Variants in ADARB2 observed in about 807,000 individuals in gnomAD.
ADARB2 encodes adenosine deaminase RNA specific B2 (inactive), also known as inactive double-stranded RNA-specific editase B2.
Under a neutral mutation model 62.2 loss-of-function variants are expected in ADARB2, and 25 were observed. The ratio of observed to expected loss-of-function variants is 0.40; its 90% CI spans 0.29 to 0.56. ADARB2 has a LOEUF of 0.56. Among genes scored for constraint, ADARB2 ranks in the 20% least tolerant of loss-of-function variants. The pLI, the probability that ADARB2 is intolerant of heterozygous loss-of-function variation, is 0.43. For synonymous variants in ADARB2, 572 were observed against 500.8 expected, an observed-to-expected ratio of 1.14 and a Z score of -1.90; for missense variants, 1,071 against 1,077.4, an observed-to-expected ratio of 0.99 and a Z score of 0.08.
chr10:1,732,035 G>A (rs543076821), intron 1 of ADARB2, among the ~76,000 whole-genome samples: 2 of 152,210 alleles, frequency 1.3e-5, no homozygotes, highest in South Asian at 4.1e-4. Context: ...GAGAAACAGA[G>A]TATTACAATA....
intron 1 of ADARB2, among the ~76,000 whole-genome samples, chr10:1,565,453 T>TCAATCTGTCG: frequency 6.6e-6 from 1 of 152,076 alleles, no homozygotes; most frequent in Non-Finnish European, 1.5e-5. Flanking sequence ...TTTAGATCCA[T>TCAATCTGTCG]GGATATACTT....
At chr10:1,642,861 C>T (rs1043181194) in intron 1 of ADARB2, among the ~76,000 whole-genome samples, 1 of 152,202 alleles carries the variant, frequency 6.6e-6, no homozygotes, top group Admixed American at 6.5e-5. Context: ...GAACTGCAGG[C>T]AGGTATGTTC....
At chr10:1,440,024 A>G (rs568121225) in intron 1 of ADARB2, among the ~76,000 whole-genome samples, 11 of 147,012 alleles carry the variant, frequency 7.5e-5, no homozygotes, top group African/African-American at 2.8e-4. Context: ...CAGGTCCTTC[A>G]TGATGGGGCT....
intron 6 of ADARB2, among the ~76,000 whole-genome samples, chr10:1,222,729 T>C (rs1242118407): frequency 6.7e-6 from 1 of 149,596 alleles, no homozygotes; most frequent in Admixed American, 6.6e-5. Context: ...TGGTTGTAGA[T>C]ATGCGGCATT....
At chr10:1,254,198 TGGGCTCTGTGGTTAGGATGTGGA>T (rs1831061108) in intron 4 of ADARB2, among the ~76,000 whole-genome samples, 1 of 147,954 alleles carries the variant, frequency 6.8e-6, no homozygotes, top group South Asian at 2.1e-4. Context: ...TAGGATGTGG[TGGGCTCTGTGGTTAGGATGTGGA>T]GGGCTCTGTG....
At chr10:1,288,149 C>T (rs1264428884) in intron 3 of ADARB2, among the ~76,000 whole-genome samples, 2 of 152,236 alleles carry the variant, frequency 1.3e-5, no homozygotes, top group Admixed American at 6.5e-5. Context: ...CAGGCTCGGC[C>T]ATGCCCAGAA....
intron 3 of ADARB2, among the ~76,000 whole-genome samples, chr10:1,295,188 T>C (rs1279689817): frequency 1.3e-5 from 2 of 152,140 alleles, no homozygotes; most frequent in East Asian, 1.9e-4. Context: ...CATATGACGT[T>C]TGTCGCTGTT....
At chr10:1,374,608 C>T (rs545472234) in intron 2 of ADARB2, among the ~76,000 whole-genome samples, 16 of 152,278 alleles carry the variant, frequency 1.1e-4, no homozygotes, top group African/African-American at 2.9e-4. Context: ...GGTGGGTCTG[C>T]CCTCCCTCTG....
intron 1 of ADARB2, among the ~76,000 whole-genome samples, chr10:1,713,957 G>A (rs532215431): frequency 1.3e-5 from 2 of 152,262 alleles, no homozygotes; most frequent in Admixed American, 1.3e-4. Context: ...GGAGCTCTGA[G>A]GGCAAAGCTT....
chr10:1,360,698 C>T (rs898431566), intron 3 of ADARB2, among the ~76,000 whole-genome samples: 1 of 152,202 alleles, frequency 6.6e-6, no homozygotes, highest in Non-Finnish European at 1.5e-5. Flanking sequence ...TTGGACGCCG[C>T]GTGCAGAGCA....
At chr10:1,502,382 TCA>T (rs1564309865) in intron 1 of ADARB2, among the ~76,000 whole-genome samples, 1 of 152,238 alleles carries the variant, frequency 6.6e-6, no homozygotes, top group Non-Finnish European at 1.5e-5. Flanking sequence ...GACCGTGTGC[TCA>T]CAGGCAGACC....
intron 4 of ADARB2, among the ~76,000 whole-genome samples, chr10:1,259,784 T>TCC (rs1342803217): frequency 6.6e-6 from 1 of 152,196 alleles, no homozygotes; most frequent in Non-Finnish European, 1.5e-5. Flanking sequence ...GAGGGACTCC[T>TCC]CCCTAACTCA....
chr10:1,393,244 G>A (rs1273871646), intron 1 of ADARB2, among the ~76,000 whole-genome samples: 2 of 152,186 alleles, frequency 1.3e-5, no homozygotes, highest in Admixed American at 6.5e-5. Flanking sequence ...TGGGTACATA[G>A]TAGGTGCATC....
Position 1,477,229 on chromosome 10 carries a change from T to A in ADARB2, c.101-98069A>T, listed in dbSNP as rs2131921539. Among the ~76,000 whole-genome samples the A allele has an allele frequency of 6.6e-6, 1 of 152,280 alleles. No homozygotes were observed. The highest frequency in any genetic ancestry group is 3.4e-3 in the Middle Eastern group (1 of 294). On this transcript the variant is annotated intron_variant, in intron 1 of 9. Transcript: ENST00000381312. This position sits in a 1 kb window ranked among gnomAD's most constrained non-coding sequence, Gnocchi z 4.5. The stretch of plus-strand genomic sequence containing the variant: ...GAAGTGACTGCACTGATCAGAAGTG[T>A]GGAGTCCTGATAAGATTAGTAAGTA...
In ADARB2 at chr10:1,704,797, A is replaced by T. The variant is rs890524896; in HGVS notation, c.100+32254T>A. ...GATAAAAAAGCTAGTGTGGGTCAAG[A>T]TGTTAAAGGGGCAGGGAGTATTGAG... is the stretch of plus-strand genomic sequence containing the variant. On this transcript the variant is annotated intron_variant, in intron 1 of 9. Transcript: ENST00000381312. This position sits in a 1 kb window ranked among gnomAD's most constrained non-coding sequence, Gnocchi z 5.6. 6.6e-6 allele frequency among the ~76,000 whole-genome samples: 1 copy of T among 152,214 alleles called. No homozygotes were observed. Among genetic ancestry groups the T allele is most frequent in the Non-Finnish European group, 1.5e-5 (1 of 68,036 alleles).
At chr10:1,434,012 A>T (rs774593604) in intron 1 of ADARB2, among the ~76,000 whole-genome samples, 12 of 152,224 alleles carry the variant, frequency 7.9e-5, no homozygotes, top group African/African-American at 1.2e-4. Flanking sequence ...ACTATAGAAC[A>T]CGGAGGCTAT....
chr10:1,726,780 G>A (rs975014048), intron 1 of ADARB2, among the ~76,000 whole-genome samples: 2 of 152,196 alleles, frequency 1.3e-5, no homozygotes, highest in African/African-American at 4.8e-5. Flanking sequence ...AGACTGGAGA[G>A]CAGCTGTGCA....
At chr10:1,730,858 C>T (rs980069589) in intron 1 of ADARB2, among the ~76,000 whole-genome samples, 1 of 152,068 alleles carries the variant, frequency 6.6e-6, no homozygotes, top group African/African-American at 2.4e-5. Context: ...TATTTTATAA[C>T]CCAAAGAGGA....
At chr10:1,253,810 A>G (rs1445420684) in intron 4 of ADARB2, among the ~76,000 whole-genome samples, 1 of 152,234 alleles carries the variant, frequency 6.6e-6, no homozygotes, top group Non-Finnish European at 1.5e-5. Context: ...TAAAGGAGGA[A>G]GAGTAGCTGA....
Sources: allele counts gnomAD v4.1 joint callset (sites outside exome capture counted in the v4.1 genomes callset), GRCh38; gene constraint gnomAD v4.1.1; non-coding constraint Gnocchi (gnomAD v3.1); transcripts MANE v1.5; gene names NCBI Gene and HGNC (gene_info 2026-07-23, HGNC 2026-07-21).